ZNF302: variants seen among roughly 807,000 people sequenced by gnomAD.
ZNF302 encodes zinc finger protein 327.
Under a neutral mutation model 10.8 loss-of-function variants are expected in ZNF302, and 12 were observed. The ratio of observed to expected loss-of-function variants is 1.11; its 90% CI spans 0.71 to 1.79. The LOEUF (loss-of-function observed/expected upper bound fraction) is 1.79. Ranked by LOEUF, ZNF302 falls within the 40% of genes most tolerant of loss-of-function variation. The pLI is 0.00. For missense variants in ZNF302, 461 were observed against 471.1 expected (o/e 0.98, Z 0.20); for synonymous variants, 178 against 157.5 (o/e 1.13, Z -0.98).
chr19:34,683,211 T>G lies in ZNF302; in HGVS notation c.187T>G (p.Trp63Gly). 1 of 1,614,072 alleles carries G rather than the reference T, an allele frequency of 6.2e-7. No individual in the cohort carries two copies. The highest frequency in any genetic ancestry group is 8.5e-7 in the Non-Finnish European group (1 of 1,179,948). The change falls in exon 4 of 5, where the codon TGG (tryptophan) becomes GGG (glycine). Residue 63 changes from tryptophan to glycine, a missense_variant. Physicochemically the swap from Trp to Gly is radical, Grantham distance 184 (BLOSUM62 -2). Transcript: ENST00000505242. ...IMLLEDGKEP[W>G]MMEKKLSKDW... The stretch of plus-strand genomic sequence containing the variant: ...GTTATTGGAGGATGGAAAAGAGCCC[T>G]GGATGATGGAGAAAAAACTGTCAAA...
At chr19:34,679,630 T>C (rs1404285337) in intron 2 of ZNF302, among the ~76,000 whole-genome samples, 1 of 152,210 alleles carries the variant, frequency 6.6e-6, no homozygotes, top group Non-Finnish European at 1.5e-5. Context: ...GTGGTTACTT[T>C]CTCAGAACAG....
At chr19:34,680,410 C>T (rs2068280667) in intron 2 of ZNF302, among the ~76,000 whole-genome samples, 1 of 152,078 alleles carries the variant, frequency 6.6e-6, no homozygotes, top group Non-Finnish European at 1.5e-5. Flanking sequence ...CCCCATCTGA[C>T]TATTGAGTAC....
rs766226910 is a variant in ZNF302 at position 34,684,612 on chromosome 19, C to T, written c.575C>T (p.Pro192Leu). The change falls in exon 5 of 5, where the codon CCC becomes CTC. Residue 192 changes from proline (P) to leucine (L), a missense_variant. Pro to Leu is a moderately conservative substitution (Grantham distance 98, BLOSUM62 -3). Coordinates refer to ENST00000505242, the MANE Select transcript of ZNF302 (RefSeq NM_001289187.2). ...AFNQSKSLTL[P>L]QTCNREKIYT... ...AACCAGAGCAAATCTCTTACCCTTC[C>T]CCAGACTTGTAATAGAGAGAAAATC... 5.6e-6 allele frequency: 9 copies of T among 1,613,898 alleles called. No homozygotes were observed. The highest frequency in any genetic ancestry group is 3.3e-5 in the South Asian group (3 of 91,088).
chr19:34,684,812 T>C lies in ZNF302; in HGVS notation c.775T>C (p.Cys259Arg), dbSNP rs1262430124. Residue 259 changes from cysteine (C) to arginine (R), a missense_variant, in exon 5 of 5, where the codon TGC (cysteine) becomes CGC (arginine). Cys to Arg is a radical substitution (Grantham distance 180, BLOSUM62 -3). Coordinates refer to ENST00000505242, the MANE Select transcript of ZNF302 (RefSeq NM_001289187.2). ...ISHSGEKPYK[C>R]IECGKAFSHG... ...CCATAGTGGAGAGAAACCTTACAAA[T>C]GCATTGAATGTGGGAAGGCCTTTAG... 1 of 1,613,880 alleles carries C rather than the reference T, an allele frequency of 6.2e-7. No homozygotes were observed. Among genetic ancestry groups the C allele is most frequent in the Non-Finnish European group, 8.5e-7 (1 of 1,179,798 alleles).
At chr19:34,680,172 G>A (rs956643827) in intron 2 of ZNF302, among the ~76,000 whole-genome samples, 1 of 152,172 alleles carries the variant, frequency 6.6e-6, no homozygotes, top group Non-Finnish European at 1.5e-5. Flanking sequence ...GCAAGAACCT[G>A]CCTCTTGAAA....
chr19:34,676,562 ATT>A (rs924962074), upstream of ZNF302: 5 of 152,050 alleles, frequency 3.3e-5, no homozygotes, highest in Non-Finnish European at 5.9e-5. Flanking sequence ...TGGAGTACCC[ATT>A]GTTTCTTTAC....
chr19:34,684,051 C>G, intron 4 of ZNF302: 2 of 1,516,644 alleles, frequency 1.3e-6, no homozygotes, highest in South Asian at 1.3e-5. Context: ...ATTCTCTGCT[C>G]TATTTGAGCA....
chr19:34,677,532 T>G (rs1194256799), upstream of ZNF302: 1 of 152,246 alleles, frequency 6.6e-6, no homozygotes, highest in African/African-American at 2.4e-5. Context: ...CCGTGACCGG[T>G]TTGCCCGCGG....
chr19:34,677,180 G>C (rs1186778830), upstream of ZNF302: 4 of 124,654 alleles, frequency 3.2e-5, no homozygotes, highest in Non-Finnish European at 5.1e-5. Flanking sequence ...AAAAAAAAAA[G>C]ACCTGAAGGT....
Position 34,685,476 on chromosome 19 carries a change from C to T in ZNF302, c.*239C>T. The T allele has an allele frequency of 6.3e-7, 1 of 1,590,272 alleles. No individual in the cohort carries two copies. Among genetic ancestry groups the T allele is most frequent in the East Asian group, 2.2e-5 (1 of 44,698 alleles). ...CAGAGAATTCATACTGGAGAAAAGCCATATAAATGTAGTGAGTGTGGGAAA... is the reference window on the plus strand; with the variant it reads ...CAGAGAATTCATACTGGAGAAAAGCTATATAAATGTAGTGAGTGTGGGAAA... On this transcript the variant is annotated 3_prime_UTR_variant, in exon 5 of 5. Transcript: ENST00000505242.
rs779201705 is a variant in ZNF302 at position 34,682,847 on chromosome 19, A to G, written c.80A>G (p.Asp27Gly). Residue 27 changes from aspartate to glycine, a missense_variant, in exon 3 of 5, where the codon GAC becomes GGC. Asp to Gly is a moderately conservative substitution (Grantham distance 94). Coordinates refer to ENST00000505242, the MANE Select transcript of ZNF302 (RefSeq NM_001289187.2). ...EWACLDSAQR[D>G]LYKDVMVQNY... The stretch of plus-strand genomic sequence containing the variant: ...GCATGCCTAGATTCTGCTCAGAGGG[A>G]CTTATACAAGGATGTGATGGTCCAG... 6.2e-6 allele frequency: 10 copies of G among 1,613,690 alleles called. No homozygotes were observed. In the South Asian group the frequency reaches 9.9e-5, roughly 16 times the overall value.
At chr19:34,678,636 G>A in intron 1 of ZNF302, 101 bp from the exon 2 acceptor site, 1 of 640,814 alleles carries the variant, frequency 1.6e-6, no homozygotes, top group South Asian at 1.9e-5. Context: ...ACGCTCCGGC[G>A]AGTGATTACC....
At chr19:34,679,829 G>A (rs774064546) in intron 2 of ZNF302, 4 of 702,412 alleles carry the variant, frequency 5.7e-6, no homozygotes, top group Middle Eastern at 2.3e-4. Context: ...CTGTTATAGC[G>A]TCAGTACCCA....
chr19:34,678,431 CAAAA>C (rs11441977), intron 1 of ZNF302, among the ~76,000 whole-genome samples: 2 of 115,248 alleles, frequency 1.7e-5, no homozygotes, highest in East Asian at 2.5e-4. Context: ...GACTCCGTCT[CAAAA>C]AAAAAAAAAA....
In ZNF302 at chr19:34,682,413, TTAGC is replaced by T. The variant is rs1000519672; in HGVS notation, c.10-359_10-356del. On this transcript the variant is annotated intron_variant, in intron 2 of 4. Coordinates refer to ENST00000505242, the MANE Select transcript of ZNF302 (RefSeq NM_001289187.2). ...TTGCTTTAGCCTTATTTTTAATTAC[TTAGC>T]TAGCATGTAAGCTATAAAAGATATA... is the stretch of plus-strand genomic sequence containing the variant. 6.9e-4 allele frequency: 113 copies of T among 164,316 alleles called. 1 individual carries two copies. The highest frequency in any genetic ancestry group is 2.5e-3 in the African/African-American group (106 of 41,772). The allele number at this position is 164,316 out of a possible 1,614,324, so 10.2% of individuals were successfully genotyped here. A position where few individuals can be genotyped will look rare whatever the true frequency, so the allele number is the denominator to read the frequency against.
chr19:34,682,728 C>G (rs760573739), intron 2 of ZNF302, 49 bp from the exon 3 acceptor site: 2 of 1,603,872 alleles, frequency 1.2e-6, no homozygotes, highest in Middle Eastern at 3.3e-4. Flanking sequence ...TCTTCAGTGA[C>G]AGAAGAGGCC....
chr19:34,683,603 A>C (rs1014147162), intron 4 of ZNF302, among the ~76,000 whole-genome samples: 6 of 152,190 alleles, frequency 3.9e-5, no homozygotes, highest in Non-Finnish European at 7.3e-5. Flanking sequence ...TCTAAAGCTG[A>C]GCTTTGTAGA....
At position 34,682,803 on chromosome 19, in the gene ZNF302, C is replaced by T; in HGVS notation, c.36C>T (p.Asp12=). The T allele has an allele frequency of 6.8e-6, 11 of 1,613,730 alleles. No homozygotes were observed. The highest frequency in any genetic ancestry group is 8.5e-6 in the Non-Finnish European group (10 of 1,179,682). ...SQVTFSDVAI[D]FSHEEWACLD... is the part of the protein sequence containing the mutation. ...TGACATTTAGTGATGTGGCTATAGACTTCTCTCATGAAGAGTGGGCATGCC... is the reference window on the plus strand; with the variant it reads ...TGACATTTAGTGATGTGGCTATAGATTTCTCTCATGAAGAGTGGGCATGCC... The change falls in exon 3 of 5, where the codon GAC becomes GAT. Residue 12 remains aspartate (D), a synonymous_variant. Coordinates refer to ENST00000505242, the MANE Select transcript of ZNF302 (RefSeq NM_001289187.2).
intron 4 of ZNF302, among the ~76,000 whole-genome samples, chr19:34,683,733 T>C (rs766821692): frequency 1.2e-4 from 18 of 152,168 alleles, no homozygotes; most frequent in Non-Finnish European, 1.9e-4. Flanking sequence ...AAAGCCTATA[T>C]CTTTGTCAGC....
Sources: gnomAD v4.1 joint callset for allele counts (sites outside exome capture counted in the v4.1 genomes callset) on GRCh38, gnomAD v4.1.1 for gene constraint, MANE v1.5 for transcripts, NCBI Gene and HGNC (gene_info 2026-07-23, HGNC 2026-07-21) for gene names.